DLG2: variants seen among roughly 807,000 people sequenced by gnomAD.
DLG2 encodes discs large MAGUK scaffold protein 2, also known as disks large homolog 2.
In DLG2, 45 loss-of-function variants were observed where a neutral mutation model predicts 132.5. The ratio of observed to expected loss-of-function variants is 0.34; its 90% CI spans 0.27 to 0.44. DLG2 has a LOEUF of 0.44. DLG2 is among the 20% of genes least tolerant of loss of function. The pLI is 1.00. For synonymous variants in DLG2, 424 were observed against 419.6 expected, an observed-to-expected ratio of 1.01 and a Z score of -0.13; for missense variants, 1,045 against 1,196.9, an observed-to-expected ratio of 0.87 and a Z score of 1.87.
chr11:85,167,684 T>A (rs2078559284), intron 4 of DLG2, among the ~76,000 whole-genome samples: 1 of 152,138 alleles, frequency 6.6e-6, no homozygotes, highest in Non-Finnish European at 1.5e-5. Context: ...CTTCATCAAA[T>A]TCAGCATAAA....
intron 3 of DLG2, among the ~76,000 whole-genome samples, chr11:85,337,616 A>G (rs912159350): frequency 2.6e-5 from 4 of 152,248 alleles, no homozygotes; most frequent in African/African-American, 4.8e-5. Flanking sequence ...GGTGATTGCC[A>G]GCATGAGAGG....
intron 6 of DLG2, among the ~76,000 whole-genome samples, chr11:84,561,397 A>G (rs2099428516): frequency 6.6e-6 from 1 of 152,096 alleles, no homozygotes; most frequent in Non-Finnish European, 1.5e-5. Context: ...TTTAAGACTC[A>G]TATTAAATGT....
chr11:85,208,453 AC>A (rs1674737525), intron 4 of DLG2, among the ~76,000 whole-genome samples: 2 of 151,926 alleles, frequency 1.3e-5, no homozygotes, highest in South Asian at 4.1e-4. Context: ...GAAAAAAAAA[AC>A]AATTTCAATT....
intron 15 of DLG2, among the ~76,000 whole-genome samples, chr11:83,908,783 T>C (rs2075513648): frequency 6.6e-6 from 1 of 152,118 alleles, no homozygotes; most frequent in Non-Finnish European, 1.5e-5. Flanking sequence ...ACCGAGGTTG[T>C]AGCAGAGTGG....
chr11:85,095,724 T>A (rs1480105761), intron 6 of DLG2, among the ~76,000 whole-genome samples: 1 of 152,078 alleles, frequency 6.6e-6, no homozygotes, highest in East Asian at 1.9e-4. Flanking sequence ...TTTTCCAGAG[T>A]TCCCAAATTC....
intron 3 of DLG2, among the ~76,000 whole-genome samples, chr11:85,474,658 T>G (rs993244168): frequency 6.6e-6 from 1 of 151,968 alleles, no homozygotes; most frequent in Admixed American, 6.5e-5. Context: ...TCAGCAATAA[T>G]AAAATTGTTC....
In DLG2 at chr11:83,776,829, C is replaced by G; in HGVS notation, c.1825+9861G>C. Among the ~76,000 whole-genome samples, 2 of 152,164 alleles carry G rather than the reference C, an allele frequency of 1.3e-5. 1 individual carries two copies. The highest frequency in any genetic ancestry group is 2.9e-5 in the Non-Finnish European group (2 of 68,034). ...CCTTCAGATTAAAGAAAGTATTATTCCCGTGGAATGCCTTCTTGACGCTCT... is the reference window on the plus strand; with the variant it reads ...CCTTCAGATTAAAGAAAGTATTATTGCCGTGGAATGCCTTCTTGACGCTCT... On this transcript the variant is annotated intron_variant, in intron 18 of 27. Transcript: ENST00000376104.
At chr11:83,999,123 G>A (rs1592727028) in intron 11 of DLG2, among the ~76,000 whole-genome samples, 1 of 152,150 alleles carries the variant, frequency 6.6e-6, no homozygotes, top group African/African-American at 2.4e-5. Flanking sequence ...CTGGTGGCCT[G>A]GGAATCATGA....
intron 6 of DLG2, among the ~76,000 whole-genome samples, chr11:84,795,949 G>A (rs2074538583): frequency 6.6e-6 from 1 of 152,138 alleles, no homozygotes; most frequent in African/African-American, 2.4e-5. Context: ...CTAGCTTTGC[G>A]CAGTGCCTGG....
chr11:84,380,915 A>G (rs1601060553), intron 7 of DLG2, among the ~76,000 whole-genome samples: 1 of 151,988 alleles, frequency 6.6e-6, no homozygotes, highest in East Asian at 1.9e-4. Flanking sequence ...GTATTTATGA[A>G]TATATTAATG....
chr11:84,205,137 C>T (rs1018372190), intron 8 of DLG2, among the ~76,000 whole-genome samples: 28 of 151,946 alleles, frequency 1.8e-4, no homozygotes, highest in African/African-American at 5.3e-4. Flanking sequence ...AGGAGCAAAA[C>T]GGAAAAAGAG....
At chr11:84,452,195 C>T (rs546812142) in intron 7 of DLG2, among the ~76,000 whole-genome samples, 218 of 150,398 alleles carry the variant, frequency 1.4e-3, no homozygotes, top group African/African-American at 5.1e-3. Context: ...AGGAGGAGGA[C>T]GACGATGAAG....
chr11:84,682,426 ATTTTGGTT>A, intron 6 of DLG2, among the ~76,000 whole-genome samples: 1 of 152,306 alleles, frequency 6.6e-6, no homozygotes, highest in East Asian at 1.9e-4. Flanking sequence ...GGCAAGGAAT[ATTTTGGTT>A]CTCTCTCAAC....
intron 3 of DLG2, among the ~76,000 whole-genome samples, chr11:85,467,436 G>A (rs1565535079): frequency 6.6e-6 from 1 of 152,174 alleles, no homozygotes; most frequent in Non-Finnish European, 1.5e-5. Context: ...GTATGATACT[G>A]GCTGTGGGTT....
intron 6 of DLG2, among the ~76,000 whole-genome samples, chr11:85,026,619 C>G (rs756184090): frequency 1.3e-5 from 2 of 152,102 alleles, no homozygotes; most frequent in Non-Finnish European, 2.9e-5. Context: ...AGGAGGATCA[C>G]AAGGTCAGGA....
chr11:84,826,762 C>A (rs2078377029), intron 6 of DLG2, among the ~76,000 whole-genome samples: 1 of 151,738 alleles, frequency 6.6e-6, no homozygotes, highest in East Asian at 2.0e-4. Context: ...CCAGGACAAC[C>A]TCTGCTGCTG....
At chr11:83,475,128 A>G (rs1272009508) in intron 22 of DLG2, among the ~76,000 whole-genome samples, 3 of 152,152 alleles carry the variant, frequency 2.0e-5, no homozygotes, top group African/African-American at 7.2e-5. Flanking sequence ...GCAATCAGGT[A>G]CTGTGTAATA....
chr11:83,985,172 G>T (rs1426224650), intron 11 of DLG2, among the ~76,000 whole-genome samples: 2 of 151,874 alleles, frequency 1.3e-5, no homozygotes, highest in East Asian at 3.9e-4. Flanking sequence ...TTAAAGCAGG[G>T]GCAGGCTCTC....
At chr11:84,362,643 A>G (rs538945556) in intron 7 of DLG2, among the ~76,000 whole-genome samples, 19 of 152,136 alleles carry the variant, frequency 1.2e-4, no homozygotes, top group South Asian at 4.1e-4. Flanking sequence ...ATGTCTCCCA[A>G]TGCTATCCCT....
Sources: allele counts gnomAD v4.1 joint callset (sites outside exome capture counted in the v4.1 genomes callset), GRCh38; gene constraint gnomAD v4.1.1; transcripts MANE v1.5; gene names NCBI Gene and HGNC (gene_info 2026-07-23, HGNC 2026-07-21).